DNAH14: variants seen among roughly 807,000 people sequenced by gnomAD.
DNAH14 encodes the protein dynein axonemal heavy chain 14.
Under a neutral mutation model 520.9 loss-of-function variants are expected in DNAH14, and 478 were observed. The ratio of observed to expected loss-of-function variants is 0.92; its 90% confidence interval spans 0.85 to 0.99. The LOEUF (loss-of-function observed/expected upper bound fraction) is 0.99, where lower values mean the gene tolerates loss of function less well. DNAH14 is among the 50% of genes least tolerant of loss of function. DNAH14 has a pLI of 0.00. For synonymous variants in DNAH14, 1,581 were observed against 1,757.2 expected (o/e 0.90, Z 2.51); for missense variants, 4,831 against 5,234.5 (o/e 0.92, Z 2.38).
chr1:225,019,618 C>G (rs2065496789), intron 10 of DNAH14, among the ~76,000 whole-genome samples: 1 of 152,156 alleles, frequency 6.6e-6, no homozygotes, highest in Non-Finnish European at 1.5e-5. Context: ...AGTATACATT[C>G]TTCTCGTCAG....
chr1:225,018,049 A>C (rs1430059433), intron 10 of DNAH14, among the ~76,000 whole-genome samples: 1 of 152,194 alleles, frequency 6.6e-6, no homozygotes. Context: ...CTCTCCAGGA[A>C]AGGTTCTTAA....
Position 225,050,247 on chromosome 1 carries a change from T to C in DNAH14, c.1950T>C (p.Ser650=). ...ITPLCQDPQL[S]IFIDLVSIMD... ...CTCTTTGCCAAGATCCCCAGCTGTC[T>C]ATCTTCATTGATTTGGTTTCAATAA... is the stretch of plus-strand genomic sequence containing the variant. The change falls in exon 16 of 86, where the codon TCT becomes TCC. Residue 650 remains serine (S), a synonymous_variant. Transcript: ENST00000682510. The C allele has an allele frequency of 6.5e-7, 1 of 1,549,136 alleles. No homozygotes were observed. Among genetic ancestry groups the C allele is most frequent in the Non-Finnish European group, 8.7e-7 (1 of 1,146,190 alleles).
intron 44 of DNAH14, among the ~76,000 whole-genome samples, chr1:225,257,351 C>A (rs564692239): frequency 1.4e-4 from 22 of 152,232 alleles, no homozygotes; most frequent in Non-Finnish European, 2.9e-4. Flanking sequence ...GATTGCTTCT[C>A]CAATACATGC....
chr1:225,320,929 T>C (rs1400576688), intron 61 of DNAH14, among the ~76,000 whole-genome samples: 1 of 152,238 alleles, frequency 6.6e-6, no homozygotes, highest in African/African-American at 2.4e-5. Context: ...CTAGATAATA[T>C]ATTTTATCCT....
chr1:224,965,537 AC>A (rs2061110788), intron 5 of DNAH14, among the ~76,000 whole-genome samples: 1 of 152,020 alleles, frequency 6.6e-6, no homozygotes, highest in South Asian at 2.1e-4. Context: ...AATGGATGTG[AC>A]CGTGTTCCAA....
chr1:225,247,279 G>A, intron 43 of DNAH14, among the ~76,000 whole-genome samples: 1 of 142,508 alleles, frequency 7.0e-6, no homozygotes, highest in East Asian at 2.4e-4. Context: ...AATGCATGCG[G>A]GGCTGAAAAC....
At chr1:225,308,448 A>C (rs1211536588) in intron 60 of DNAH14, 38 bp downstream of exon 60, 19 of 1,500,642 alleles carry the variant, frequency 1.3e-5, no homozygotes, top group Non-Finnish European at 1.6e-5. Flanking sequence ...TAATTTGGAG[A>C]TTTGAAAAAG....
intron 84 of DNAH14, among the ~76,000 whole-genome samples, chr1:225,392,662 T>C (rs1250026382): frequency 6.6e-6 from 1 of 152,194 alleles, no homozygotes; most frequent in Admixed American, 6.5e-5. Flanking sequence ...TCATAAATCA[T>C]GAATAAAAGA....
intron 7 of DNAH14, chr1:224,969,707 A>G (rs1454138598): frequency 1.1e-5 from 3 of 261,128 alleles, no homozygotes; most frequent in Non-Finnish European, 2.1e-5. Context: ...GATTTCATGA[A>G]CATTTATTAG....
intron 41 of DNAH14, among the ~76,000 whole-genome samples, chr1:225,211,687 A>G (rs899571346): frequency 7.9e-5 from 12 of 152,088 alleles, no homozygotes; most frequent in African/African-American, 2.7e-4. Flanking sequence ...CCCAAGACAC[A>G]TAATTGTCAG....
At chr1:225,257,756 C>T (rs1275589622) in intron 44 of DNAH14, among the ~76,000 whole-genome samples, 1 of 151,894 alleles carries the variant, frequency 6.6e-6, no homozygotes, top group African/African-American at 2.4e-5. Context: ...AGGATGGTCT[C>T]GATCTCCTGA....
intron 43 of DNAH14, 131 bp downstream of exon 43, chr1:225,240,953 C>A: frequency 1.5e-6 from 1 of 686,294 alleles, no homozygotes; most frequent in Non-Finnish European, 2.3e-6. Context: ...TTATAATATA[C>A]CCAATACCCT....
chr1:224,993,726 T>G (rs983140852), intron 8 of DNAH14, among the ~76,000 whole-genome samples: 1 of 151,952 alleles, frequency 6.6e-6, no homozygotes, highest in African/African-American at 2.4e-5. Flanking sequence ...TCTGCTAATT[T>G]TGGCTTAGTT....
chr1:225,067,541 C>T (rs181108277), intron 17 of DNAH14, among the ~76,000 whole-genome samples: 8 of 152,214 alleles, frequency 5.3e-5, no homozygotes, highest in South Asian at 2.1e-4. Context: ...GGAATCGCCA[C>T]GCTGTCTTCT....
intron 23 of DNAH14, among the ~76,000 whole-genome samples, chr1:225,109,110 T>G (rs1213211555): frequency 6.6e-6 from 1 of 152,190 alleles, no homozygotes; most frequent in African/African-American, 2.4e-5. Context: ...CTATTTTGGT[T>G]GCTGTAGTTC....
At chr1:225,320,812 A>G (rs754806296) in intron 61 of DNAH14, among the ~76,000 whole-genome samples, 12 of 152,246 alleles carry the variant, frequency 7.9e-5, no homozygotes, top group African/African-American at 2.9e-4. Flanking sequence ...GCAAATTTCC[A>G]GTAGACACGT....
chr1:225,016,855 T>C (rs2147964275), intron 10 of DNAH14, among the ~76,000 whole-genome samples: 2 of 152,038 alleles, frequency 1.3e-5, no homozygotes, highest in Middle Eastern at 3.4e-3. Context: ...TTTTTAAATT[T>C]CCTTCATTAA....
chr1:224,992,752 T>C (rs778375371), intron 8 of DNAH14, among the ~76,000 whole-genome samples: 4 of 152,064 alleles, frequency 2.6e-5, no homozygotes, highest in Non-Finnish European at 4.4e-5. Context: ...TGAATAGAAG[T>C]GGTGAGAGTG....
chr1:225,153,502 A>G (rs940374554), intron 33 of DNAH14, among the ~76,000 whole-genome samples: 1 of 152,106 alleles, frequency 6.6e-6, no homozygotes, highest in Non-Finnish European at 1.5e-5. Flanking sequence ...TTCAGAGAAA[A>G]CTTAATTCAG....
Sources: allele counts gnomAD v4.1 joint callset (sites outside exome capture counted in the v4.1 genomes callset), GRCh38; gene constraint gnomAD v4.1.1; transcripts MANE v1.5; gene names NCBI Gene and HGNC (gene_info 2026-07-23, HGNC 2026-07-21).